The following ZNF341 variants were observed in gnomAD, a reference collection of about 807,000 sequenced individuals.
The protein encoded by ZNF341 is zinc finger protein 341.
Under a neutral mutation model 87.7 loss-of-function variants are expected in ZNF341, and 52 were observed. The ratio of observed to expected loss-of-function variants is 0.59; its 90% CI spans 0.47 to 0.75. The LOEUF (loss-of-function observed/expected upper bound fraction) is 0.75. ZNF341 is among the 30% of genes least tolerant of loss of function. ZNF341 has a pLI of 0.00. For synonymous variants in ZNF341, 459 were observed against 472.7 expected, an observed-to-expected ratio of 0.97 and a Z score of 0.38; for missense variants, 977 against 1,145.9, an observed-to-expected ratio of 0.85 and a Z score of 2.13.
At chr20:33,790,234 G>A (rs2019973335) in intron 14 of ZNF341, among the ~76,000 whole-genome samples, 1 of 152,072 alleles carries the variant, frequency 6.6e-6, no homozygotes, top group Non-Finnish European at 1.5e-5. Context: ...ACCACACCCA[G>A]CTAATTTTTG....
intron 1 of ZNF341, among the ~76,000 whole-genome samples, chr20:33,739,219 CT>C (rs1208090714): frequency 6.6e-6 from 1 of 152,200 alleles, no homozygotes; most frequent in Non-Finnish European, 1.5e-5. Context: ...TCACCCGCCC[CT>C]GCCTCCCAAA....
rs369409042 is a variant in ZNF341, at chr20:33,767,358, C to T, written c.1413+317C>T. ...ACCTCTCCTGATGGCTCACCTTGTA[C>T]TCCTGTCCTGGGATGGTGATCACTT... On this transcript the variant is annotated intron_variant, in intron 9 of 14. Transcript: ENST00000375200. 1.8e-4 allele frequency among the ~76,000 whole-genome samples: 27 copies of T among 150,992 alleles called. No homozygotes were observed. The East Asian group carries it at 4.1e-3, about 23-fold the overall frequency.
intron 10 of ZNF341, among the ~76,000 whole-genome samples, chr20:33,778,345 C>T (rs1464214021): frequency 4.0e-5 from 6 of 151,894 alleles, no homozygotes; most frequent in African/African-American, 1.2e-4. Flanking sequence ...AGTCTCTCTC[C>T]GTCACCCAGG....
intron 10 of ZNF341, among the ~76,000 whole-genome samples, chr20:33,780,711 T>G (rs1166956719): frequency 6.8e-6 from 1 of 148,002 alleles, no homozygotes; most frequent in Non-Finnish European, 1.5e-5. Context: ...CACCAGGCCT[T>G]TTTTTTTTTT....
Position 33,791,160 on chromosome 20 carries a change from A to G in ZNF341, c.2208A>G (p.Gln736=). 1 of 1,613,198 alleles carries G rather than the reference A, an allele frequency of 6.2e-7. No individual in the cohort carries two copies. The highest frequency in any genetic ancestry group is 2.2e-5 in the East Asian group (1 of 44,868). ...ATCACCGCTGTCGTCTCGGCCCCCA[A>G]AAGGACAAGGACCTGCAAACCCGGC... is the stretch of plus-strand genomic sequence containing the variant. ...LKDHRCRLGP[Q]KDKDLQTRRP... The change falls in exon 15 of 15, where the codon CAA becomes CAG. Residue 736 remains glutamine, a synonymous_variant. Coordinates refer to ENST00000375200, the MANE Select transcript of ZNF341 (RefSeq NM_001282933.2).
chr20:33,767,163 A>G (rs971935410), intron 9 of ZNF341, 122 bp downstream of exon 9: 5 of 1,171,662 alleles, frequency 4.3e-6, no homozygotes, highest in East Asian at 2.4e-5. Context: ...CCACGGCTCT[A>G]TTCCCCCCGG....
intron 10 of ZNF341, among the ~76,000 whole-genome samples, chr20:33,774,308 A>C (rs2019588818): frequency 6.6e-6 from 1 of 152,102 alleles, no homozygotes; most frequent in African/African-American, 2.4e-5. Context: ...AAAAAAGAAA[A>C]AAGAGAAAAA....
chr20:33,770,106 G>A lies in ZNF341; in HGVS notation c.1436G>A (p.Ser479Asn), dbSNP rs754366935. The change falls in exon 10 of 15, where the codon AGC (serine) becomes AAC (asparagine). Residue 479 changes from serine to asparagine, a missense_variant. By Grantham distance (46) the Ser-to-Asn change is conservative. Coordinates refer to ENST00000375200, the MANE Select transcript of ZNF341 (RefSeq NM_001282933.2). ...AAGGTGTACAAGTGTGTGGTCAAAA[G>A]CTGTGCCCAGACGTTCCCAAAGCTC... is the stretch of plus-strand genomic sequence containing the variant. ...NEQVYKCVVKSCAQTFPKLDT... is the reference protein window; with the variant it reads ...NEQVYKCVVKNCAQTFPKLDT... The A allele has an allele frequency of 6.2e-7, 1 of 1,613,768 alleles. No individual in the cohort carries two copies. Among genetic ancestry groups the A allele is most frequent in the Non-Finnish European group, 8.5e-7 (1 of 1,179,824 alleles).
In ZNF341 at chr20:33,746,228, CTTTTTTT is replaced by C. The variant is rs34461652; in HGVS notation, c.339+945_339+951del. ...ACAGGCGTGAGCCACCGCGCCCGGC[CTTTTTTT>C]TTTTTTTTTTTTTTTGAGACGGAGT... On this transcript the variant is annotated intron_variant, in intron 3 of 14. Coordinates refer to ENST00000375200, the MANE Select transcript of ZNF341 (RefSeq NM_001282933.2). 9.4e-3 allele frequency among the ~76,000 whole-genome samples: 983 copies of C among 104,106 alleles called. 34 individuals are homozygous for C. Among genetic ancestry groups the C allele is most frequent in the African/African-American group, 0.045 (928 of 20,738 alleles). The allele number at this position is 104,106 out of a possible 152,430, so 68.3% of individuals were successfully genotyped here. A position where few individuals can be genotyped will look rare whatever the true frequency, so the allele number is the denominator to read the frequency against.
chr20:33,745,242 C>G lies in ZNF341; in HGVS notation c.282C>G (p.Tyr94Ter). 6.2e-7 allele frequency: 1 copy of G among 1,614,206 alleles called. No individual in the cohort carries two copies. Among genetic ancestry groups the G allele is most frequent in the East Asian group, 2.2e-5 (1 of 44,884 alleles). Residue 94 changes from tyrosine to a stop codon, truncating the protein, a stop_gained, in exon 3 of 15, where the codon TAC (tyrosine) becomes TAG (stop). Transcript: ENST00000375200. LOFTEE classifies it high-confidence loss of function. The stretch of plus-strand genomic sequence containing the variant: ...TCTCACTGGCCACCAACAGCATCTA[C>G]CCACCTTCGGCAGCACCCACAGCGG... Reference protein sequence around the residue: ...ATVSLATNSIYPPSAAPTAVQ... With the variant: ...ATVSLATNSI
At chr20:33,756,368 C>CTT (rs5841147) in intron 5 of ZNF341, among the ~76,000 whole-genome samples, 2 of 137,088 alleles carry the variant, frequency 1.5e-5, no homozygotes, top group Admixed American at 7.2e-5. Flanking sequence ...CTCTCTCTCT[C>CTT]TTTTTTTTTT....
At chr20:33,738,764 G>A (rs760257186) in intron 1 of ZNF341, among the ~76,000 whole-genome samples, 92 of 152,272 alleles carry the variant, frequency 6.0e-4, no homozygotes, top group Middle Eastern at 3.4e-3. Context: ...TTGCAGGAGG[G>A]CACTCTGGAG....
chr20:33,745,242 C>T lies in ZNF341; in HGVS notation c.282C>T (p.Tyr94=), dbSNP rs768661692. The T allele has an allele frequency of 1.2e-6, 2 of 1,614,206 alleles. No homozygotes were observed. The highest frequency in any genetic ancestry group is 2.2e-5 in the South Asian group (2 of 91,090). ...ATVSLATNSI[Y]PPSAAPTAVQ... Reference sequence around the variant, plus strand: ...TCTCACTGGCCACCAACAGCATCTACCCACCTTCGGCAGCACCCACAGCGG... The same window carrying T: ...TCTCACTGGCCACCAACAGCATCTATCCACCTTCGGCAGCACCCACAGCGG... Residue 94 remains tyrosine, a synonymous_variant, in exon 3 of 15, where the codon TAC becomes TAT. Coordinates refer to ENST00000375200, the MANE Select transcript of ZNF341 (RefSeq NM_001282933.2).
chr20:33,742,499 C>T (rs922767433), intron 2 of ZNF341, among the ~76,000 whole-genome samples: 3 of 151,968 alleles, frequency 2.0e-5, no homozygotes, highest in East Asian at 1.9e-4. Flanking sequence ...CCGGCCAAGT[C>T]GAGACAGGAT....
chr20:33,745,128 G>A lies in ZNF341; in HGVS notation c.168G>A (p.Gly56=), dbSNP rs746151550. The A allele has an allele frequency of 4.3e-6, 7 of 1,612,410 alleles. No individual in the cohort carries two copies. The highest frequency in any genetic ancestry group is 5.9e-6 in the Non-Finnish European group (7 of 1,178,662). Residue 56 remains glycine, a synonymous_variant, in exon 3 of 15, where the codon GGG becomes GGA. Transcript: ENST00000375200. Reference sequence around the variant, plus strand: ...ATGACGAGGATGTATTTCTCTGCGGGAAGTGTAAGAAGCAATTCAACTCGC... The same window carrying A: ...ATGACGAGGATGTATTTCTCTGCGGAAAGTGTAAGAAGCAATTCAACTCGC... ...PLDDEDVFLC[G]KCKKQFNSLP...
chr20:33,771,974 C>T (rs951251212), intron 10 of ZNF341, among the ~76,000 whole-genome samples: 2 of 136,748 alleles, frequency 1.5e-5, no homozygotes, highest in Non-Finnish European at 3.0e-5. Context: ...ATCATCGCGC[C>T]ACTGCACTCA....
intron 8 of ZNF341, among the ~76,000 whole-genome samples, chr20:33,765,302 C>T (rs1056329344): frequency 6.6e-6 from 1 of 152,092 alleles, no homozygotes; most frequent in Non-Finnish European, 1.5e-5. Context: ...TTTTATCTGA[C>T]CTTCCTTCAG....
chr20:33,774,293 G>A (rs945224340), intron 10 of ZNF341, among the ~76,000 whole-genome samples: 2 of 151,854 alleles, frequency 1.3e-5, no homozygotes, highest in African/African-American at 2.4e-5. Context: ...GAGAGACTCC[G>A]TCTCAAAAAA....
At chr20:33,739,894 C>T (rs1056129772) in intron 1 of ZNF341, among the ~76,000 whole-genome samples, 13 of 152,106 alleles carry the variant, frequency 8.5e-5, no homozygotes, top group Admixed American at 2.0e-4. Flanking sequence ...GACAGAGTTT[C>T]GCTCTTGTTG....
Sources: gnomAD v4.1 joint callset for allele counts (sites outside exome capture counted in the v4.1 genomes callset) on GRCh38, gnomAD v4.1.1 for gene constraint, MANE v1.5 for transcripts, NCBI Gene and HGNC (gene_info 2026-07-23, HGNC 2026-07-21) for gene names.